Variants in ZNF718 observed in about 807,000 individuals in gnomAD.
ZNF718 encodes zinc finger protein 718.
Under a neutral mutation model 2.6 loss-of-function variants are expected in ZNF718, and 3 were observed. That is an observed-to-expected ratio of 1.16 (90% CI 0.53 to 3.01). The LOEUF is 3.01. Among genes scored for constraint, ZNF718 ranks in the 30% most tolerant of loss-of-function variants. ZNF718 has a pLI of 0.03. For missense variants in ZNF718, 468 were observed against 230.0 expected, an observed-to-expected ratio of 2.03 and a Z score of -6.69; for synonymous variants, 135 against 77.9, an observed-to-expected ratio of 1.73 and a Z score of -3.86.
At chr4:171,216 C>T (rs1364722398) in intron 3 of ZNF718, among the ~76,000 whole-genome samples, 5 of 152,054 alleles carry the variant, frequency 3.3e-5, no homozygotes, top group African/African-American at 9.7e-5. Flanking sequence ...AGTTTTGTCT[C>T]GGAGTACCCA....
intron 3 of ZNF718, among the ~76,000 whole-genome samples, chr4:177,802 G>A (rs939002617): frequency 3.3e-5 from 5 of 152,020 alleles, no homozygotes; most frequent in African/African-American, 4.8e-5. Context: ...AAGCAGTTAC[G>A]GAAGACCCAC....
At chr4:156,811 TTAA>T (rs1176892525) in intron 3 of ZNF718, among the ~76,000 whole-genome samples, 1 of 152,178 alleles carries the variant, frequency 6.6e-6, no homozygotes, top group Non-Finnish European at 1.5e-5. Context: ...AAAACTAATA[TTAA>T]TATTTCAAAT....
At chr4:174,796 C>T (rs1440783254) in intron 3 of ZNF718, among the ~76,000 whole-genome samples, 1 of 152,162 alleles carries the variant, frequency 6.6e-6, no homozygotes, top group Non-Finnish European at 1.5e-5. Flanking sequence ...TGGGCATCCA[C>T]GGTCTTCACA....
intron 3 of ZNF718, among the ~76,000 whole-genome samples, chr4:172,989 G>A (rs1717270614): frequency 6.6e-6 from 1 of 152,038 alleles, no homozygotes; most frequent in Non-Finnish European, 1.5e-5. Context: ...AGGTTGCAGT[G>A]AGCCAAGATT....
chr4:170,550 T>C (rs1260453950), intron 3 of ZNF718, among the ~76,000 whole-genome samples: 1 of 152,158 alleles, frequency 6.6e-6, no homozygotes, highest in Admixed American at 6.6e-5. Flanking sequence ...TTTGTTTCTT[T>C]TTATTCTTTT....
chr4:135,014 T>C (rs1715495966), intron 3 of ZNF718, among the ~76,000 whole-genome samples: 1 of 151,922 alleles, frequency 6.6e-6, no homozygotes, highest in Admixed American at 6.6e-5. Flanking sequence ...GAGGCTAAGG[T>C]GGGTGGATCA....
At chr4:196,358 G>A (rs1288971944) in intron 3 of ZNF718, among the ~76,000 whole-genome samples, 1 of 152,182 alleles carries the variant, frequency 6.6e-6, no homozygotes, top group Non-Finnish European at 1.5e-5. Context: ...GGACACCAGA[G>A]ACAAGACTCT....
rs182510072 is a variant in ZNF718 at position 187,745 on chromosome 4, G to C, written c.227-13336G>C. On this transcript the variant is annotated intron_variant and NMD_transcript_variant, in intron 3 of 4. Coordinates refer to the ZNF718 transcript ENST00000642529. ...GGATGAGCAACCAATTAAAGGAGGA[G>C]TCTGGCTGTGTTTTGGTAGAGCAAC... 2.6e-5 allele frequency among the ~76,000 whole-genome samples: 4 copies of C among 152,250 alleles called. No individual in the cohort carries two copies. The East Asian group carries it at 7.7e-4, about 29-fold the overall frequency.
intron 3 of ZNF718, among the ~76,000 whole-genome samples, chr4:169,226 T>C (rs1717166435): frequency 6.6e-6 from 1 of 152,194 alleles, no homozygotes; most frequent in East Asian, 1.9e-4. Flanking sequence ...GACAGTGTTA[T>C]AATTTCTGTT....
chr4:173,418 T>C (rs1717279643), intron 3 of ZNF718, among the ~76,000 whole-genome samples: 2 of 152,208 alleles, frequency 1.3e-5, no homozygotes, highest in South Asian at 4.1e-4. Context: ...TCCACCAAAA[T>C]CGTTTTCTAT....
Position 153,928 on chromosome 4 carries a change from C to G in ZNF718, c.227-6984C>G, listed in dbSNP as rs1055326588. ...GTATGACAATATTCAACTGTGTACA[C>G]TATAAGACAGTGATATGGTTTGATT... On this transcript the variant is annotated intron_variant, in intron 3 of 3. Transcript: ENST00000510175. Among the ~76,000 whole-genome samples the G allele has an allele frequency of 3.3e-5, 5 of 152,146 alleles. No individual in the cohort carries two copies. In the South Asian group the frequency reaches 6.2e-4, roughly 19 times the overall value.
At chr4:126,179 T>TG (rs1715211871) in intron 1 of ZNF718, among the ~76,000 whole-genome samples, 1 of 152,234 alleles carries the variant, frequency 6.6e-6, no homozygotes, top group African/African-American at 2.4e-5. Context: ...ATCCCTTACG[T>TG]GCCTACAAGA....
chr4:144,984 C>G (rs1715985429), intron 3 of ZNF718, among the ~76,000 whole-genome samples: 1 of 151,812 alleles, frequency 6.6e-6, no homozygotes, highest in African/African-American at 2.4e-5. Context: ...GATATAGCCA[C>G]TCGTACACTT....
intron 3 of ZNF718, among the ~76,000 whole-genome samples, chr4:177,798 T>G (rs1717380845): frequency 6.6e-6 from 1 of 152,088 alleles, no homozygotes. Flanking sequence ...CAGGAAGCAG[T>G]TACGGAAGAC....
intron 3 of ZNF718, among the ~76,000 whole-genome samples, chr4:180,094 C>A (rs1351618363): frequency 2.6e-5 from 4 of 152,086 alleles, no homozygotes; most frequent in African/African-American, 4.8e-5. Context: ...ATCTGGATAA[C>A]GTAATCACTG....
At chr4:201,720 G>C in exon 5 of ZNF718, 1 of 180,994 alleles carries the variant, frequency 5.5e-6, no homozygotes, top group Middle Eastern at 6.2e-4. Flanking sequence ...GGGCAACTCT[G>C]TAAATTCTTG....
In ZNF718 at chr4:133,170, T is replaced by C. The variant is rs1413128299; in HGVS notation, c.226+1665T>C. Among the ~76,000 whole-genome samples the C allele has an allele frequency of 9.1e-5, 2 of 22,072 alleles. 1 individual carries two copies. Among genetic ancestry groups the C allele is most frequent in the Non-Finnish European group, 1.7e-4 (2 of 11,824 alleles). The allele number at this position is 22,072 out of a possible 152,430, so 14.5% of individuals were successfully genotyped here. A position where few individuals can be genotyped will look rare whatever the true frequency, so the allele number is the denominator to read the frequency against. The stretch of plus-strand genomic sequence containing the variant: ...TCCAGCCTGGGCAACACAGCAAGAC[T>C]CCATCTTAAAAAAAAAAAAAAAAAA... On this transcript the variant is annotated intron_variant, in intron 3 of 3. Coordinates refer to ENST00000510175, the MANE Select transcript of ZNF718 (RefSeq NM_001039127.6).
In ZNF718 at chr4:153,066, A is replaced by G. The variant is rs1716403480; in HGVS notation, c.227-7846A>G. 3.3e-5 allele frequency among the ~76,000 whole-genome samples: 5 copies of G among 151,678 alleles called. No individual in the cohort carries two copies. In the South Asian group the frequency reaches 1.0e-3, roughly 32 times the overall value. ...GGGTTTCCCAAACATATAAATCTTTATTTGTGATTGAGTTTTTTATATCAA... is the reference window on the plus strand; with the variant it reads ...GGGTTTCCCAAACATATAAATCTTTGTTTGTGATTGAGTTTTTTATATCAA... On this transcript the variant is annotated intron_variant, in intron 3 of 3. Transcript: ENST00000510175.
chr4:184,196 T>G (rs1040664207), intron 3 of ZNF718, among the ~76,000 whole-genome samples: 1 of 152,158 alleles, frequency 6.6e-6, no homozygotes, highest in Non-Finnish European at 1.5e-5. Flanking sequence ...ATACTTAGTT[T>G]ATTGAGAGTT....
Sources: allele counts gnomAD v4.1 joint callset (sites outside exome capture counted in the v4.1 genomes callset), GRCh38; gene constraint gnomAD v4.1.1; transcripts MANE v1.5; gene names NCBI Gene and HGNC (gene_info 2026-07-23, HGNC 2026-07-21).